Variants in FAT4 observed in about 807,000 individuals in gnomAD.
FAT4 encodes the protein FAT atypical cadherin 4.
FAT4 carries 84 observed loss-of-function variants against 303.9 expected under a neutral mutation model. That is an observed-to-expected ratio of 0.28 (90% CI 0.23 to 0.33). The LOEUF is 0.33. Among genes scored for constraint, FAT4 ranks in the 10% least tolerant of loss-of-function variants. The pLI, the probability that FAT4 is intolerant of heterozygous loss-of-function variation, is 1.00. For missense variants in FAT4, 6,005 were observed against 6,146.8 expected, an observed-to-expected ratio of 0.98 and a Z score of 0.77; for synonymous variants, 2,307 against 2,298.8, an observed-to-expected ratio of 1.00 and a Z score of -0.10.
At chr4:125,475,085 G>C (rs1213589579) in intron 12 of FAT4, among the ~76,000 whole-genome samples, 2 of 151,998 alleles carry the variant, frequency 1.3e-5, no homozygotes, top group Non-Finnish European at 2.9e-5. Context: ...TGTCTGCATT[G>C]GGAGAAACCT....
intron 2 of FAT4, among the ~76,000 whole-genome samples, chr4:125,361,174 C>A (rs996809382): frequency 6.6e-6 from 1 of 151,934 alleles, no homozygotes; most frequent in Non-Finnish European, 1.5e-5. Flanking sequence ...GATCTCAATT[C>A]TCTCCTGTGA....
intron 8 of FAT4, among the ~76,000 whole-genome samples, chr4:125,445,710 T>C (rs1224098658): frequency 6.6e-6 from 1 of 151,832 alleles, no homozygotes; most frequent in Non-Finnish European, 1.5e-5. Flanking sequence ...ATGTCATACC[T>C]CTCCTGACAA....
chr4:125,464,475 C>T (rs1726588605), intron 11 of FAT4, among the ~76,000 whole-genome samples: 1 of 147,458 alleles, frequency 6.8e-6, no homozygotes, highest in Non-Finnish European at 1.5e-5. Context: ...CTCCAAATGA[C>T]TCTGTCTCTT....
At chr4:125,405,658 C>G (rs1734570649) in intron 3 of FAT4, among the ~76,000 whole-genome samples, 1 of 151,838 alleles carries the variant, frequency 6.6e-6, no homozygotes. Context: ...CTCCAGGCTA[C>G]TGGCTAATGT....
intron 2 of FAT4, chr4:125,362,922 A>G (rs1219314577): frequency 6.6e-6 from 1 of 152,122 alleles, no homozygotes; most frequent in Non-Finnish European, 1.5e-5. Context: ...GCACTTGACT[A>G]GTCAAAAAAT....
intron 2 of FAT4, among the ~76,000 whole-genome samples, chr4:125,382,182 A>G (rs1443462014): frequency 6.6e-6 from 1 of 152,136 alleles, no homozygotes; most frequent in Non-Finnish European, 1.5e-5. Context: ...TGAATCACAA[A>G]TGTCTTTAAT....
At chr4:125,343,903 G>A (rs921304384) in intron 2 of FAT4, among the ~76,000 whole-genome samples, 23 of 152,146 alleles carry the variant, frequency 1.5e-4, no homozygotes, top group African/African-American at 5.6e-4. Flanking sequence ...TGCAAAAGGA[G>A]GGTGAAGAAC....
chr4:125,457,534 G>A (rs963063528), intron 10 of FAT4, among the ~76,000 whole-genome samples: 1 of 151,384 alleles, frequency 6.6e-6, no homozygotes, highest in African/African-American at 2.4e-5. Context: ...CTTAGTTACT[G>A]GAAAAAGAAC....
At chr4:125,333,527 A>T (rs1480843070) in intron 2 of FAT4, among the ~76,000 whole-genome samples, 1 of 152,166 alleles carries the variant, frequency 6.6e-6, no homozygotes. Context: ...GCTTTATTTC[A>T]TGAAGTGGAT....
intron 2 of FAT4, among the ~76,000 whole-genome samples, chr4:125,339,669 C>T (rs1731704176): frequency 6.6e-6 from 1 of 152,036 alleles, no homozygotes; most frequent in African/African-American, 2.4e-5. Flanking sequence ...AAATAGTTAT[C>T]GTTGTTATTA....
At position 125,451,889 on chromosome 4, in the gene FAT4, G is replaced by T; in HGVS notation, c.10879G>T (p.Gly3627Cys). The change falls in exon 10 of 18, where the codon GGT (glycine) becomes TGT (cysteine). Residue 3627 changes from glycine to cysteine, a missense_variant. By Grantham distance (159) the Gly-to-Cys change is radical. Coordinates refer to ENST00000394329, the MANE Select transcript of FAT4 (RefSeq NM_001291303.3). ...RTVEIFVNYY[G>C]NLFPGGILGS... ...GGTGGAGATATTTGTTAATTATTAT[G>T]GTAACTTGTTTCCCGGTGGGATTTT... The T allele has an allele frequency of 6.2e-7, 1 of 1,614,004 alleles. No individual in the cohort carries two copies. Among genetic ancestry groups the T allele is most frequent in the Non-Finnish European group, 8.5e-7 (1 of 1,180,008 alleles).
chr4:125,426,613 A>G (rs1431046609), intron 7 of FAT4, among the ~76,000 whole-genome samples: 2 of 152,066 alleles, frequency 1.3e-5, no homozygotes, highest in Admixed American at 6.5e-5. Context: ...AGAAAAAAAT[A>G]TTTCTACATA....
chr4:125,477,162 G>A lies in FAT4; in HGVS notation c.12307G>A (p.Asp4103Asn). ...NVAVSDDWTL[D>N]VQPNRVTVGG... is the part of the protein sequence containing the mutation. ...CTTCCATTATTTATTTAGGACTCTT[G>A]ATGTTCAGCCAAATAGAGTTACAGT... The change falls in exon 14 of 18, where the codon GAT becomes AAT. Residue 4103 changes from aspartate to asparagine, a missense_variant. By Grantham distance (23) the Asp-to-Asn change is conservative. Transcript: ENST00000394329. 1 of 1,357,654 alleles carries A rather than the reference G, an allele frequency of 7.4e-7. No homozygotes were observed. Among genetic ancestry groups the A allele is most frequent in the Non-Finnish European group, 9.6e-7 (1 of 1,044,572 alleles). The allele number at this position is 1,357,654 out of a possible 1,614,324, so 84.1% of individuals were successfully genotyped here.
intron 2 of FAT4, among the ~76,000 whole-genome samples, chr4:125,348,452 G>T (rs1386221765): frequency 2.0e-5 from 3 of 151,506 alleles, no homozygotes; most frequent in East Asian, 1.9e-4. Context: ...TATCCCCAGC[G>T]CTGATCCTGA....
rs1560753086 is a variant in FAT4, at chr4:125,317,729, GTC to G, written c.1322_1323del (p.Ser441Ter). 1 of 1,614,158 alleles carries G rather than the reference GTC, an allele frequency of 6.2e-7. No individual in the cohort carries two copies. Among genetic ancestry groups the G allele is most frequent in the Non-Finnish European group, 8.5e-7 (1 of 1,180,038 alleles). ...RIPSYNLTVS[V>X]SDNYGAPPGA... Reference sequence around the variant, plus strand: ...CCCTTCCTACAACCTCACAGTTTCCGTCTCTGATAACTACGGGGCGCCCCCTG... The same window carrying G: ...CCCTTCCTACAACCTCACAGTTTCCGTCTGATAACTACGGGGCGCCCCCTG... On this transcript the variant is annotated frameshift_variant, in exon 2 of 18. Coordinates refer to ENST00000394329, the MANE Select transcript of FAT4 (RefSeq NM_001291303.3). LOFTEE classifies it high-confidence loss of function. The surrounding 1 kb of genome is among the most constrained non-coding windows in gnomAD (Gnocchi z 7.0).
intron 2 of FAT4, among the ~76,000 whole-genome samples, chr4:125,327,349 T>C (rs1285043975): frequency 6.6e-6 from 1 of 152,162 alleles, no homozygotes; most frequent in African/African-American, 2.4e-5. Context: ...AGGTGATAAA[T>C]CATCTTCTTT....
chr4:125,421,831 A>G (rs1191042625), intron 7 of FAT4, among the ~76,000 whole-genome samples: 2 of 152,198 alleles, frequency 1.3e-5, no homozygotes, highest in East Asian at 1.9e-4. Context: ...CCCAGGTAGT[A>G]GCAAAGTCAG....
At chr4:125,437,522 C>A (rs1725501410) in intron 8 of FAT4, among the ~76,000 whole-genome samples, 1 of 152,058 alleles carries the variant, frequency 6.6e-6, no homozygotes, top group African/African-American at 2.4e-5. Flanking sequence ...TTCTCAGAGT[C>A]CTGTAAAGTC....
rs1734721063 is a variant in FAT4, at chr4:125,408,644, C to A, written c.5770C>A (p.Gln1924Lys). The A allele has an allele frequency of 3.1e-6, 5 of 1,610,194 alleles. No individual in the cohort carries two copies. The East Asian group carries it at 1.1e-4, about 36-fold the overall frequency. Reference sequence around the variant, plus strand: ...TGTTCGAGCAGAAGATGGTGGGGGACAATTTACTACCATCAGAGTTTATTT... The same window carrying A: ...TGTTCGAGCAGAAGATGGTGGGGGAAAATTTACTACCATCAGAGTTTATTT... The part of the protein sequence containing the change: ...LTVRAEDGGG[Q>K]FTTIRVYFNI... Residue 1924 changes from glutamine (Q) to lysine (K), a missense_variant, in exon 5 of 18, where the codon CAA becomes AAA. Physicochemically the swap from Gln to Lys is moderately conservative, Grantham distance 53. Coordinates refer to ENST00000394329, the MANE Select transcript of FAT4 (RefSeq NM_001291303.3).
Sources: gnomAD v4.1 joint callset for allele counts (sites outside exome capture counted in the v4.1 genomes callset) on GRCh38, gnomAD v4.1.1 for gene constraint, Gnocchi (gnomAD v3.1) non-coding constraint, MANE v1.5 for transcripts, NCBI Gene and HGNC (gene_info 2026-07-23, HGNC 2026-07-21) for gene names.